Variants in LAMA3 observed in about 807,000 individuals in gnomAD.
LAMA3 encodes laminin subunit alpha-3.
In LAMA3, 281 loss-of-function variants were observed where a neutral mutation model predicts 402.0. The observed-to-expected ratio is 0.70, with a 90% CI of 0.63 to 0.77. The LOEUF (loss-of-function observed/expected upper bound fraction) is 0.77. Ranked by LOEUF, LAMA3 falls within the 30% of genes least tolerant of loss-of-function variation. The pLI, the probability that LAMA3 is intolerant of heterozygous loss-of-function variation, is 0.00. For synonymous variants in LAMA3, 1,431 were observed against 1,558.4 expected (o/e 0.92, Z 1.93); for missense variants, 3,840 against 4,215.5 (o/e 0.91, Z 2.47).
chr18:23,894,752 T>C (rs1249104595), intron 43 of LAMA3, among the ~76,000 whole-genome samples, 155 bp from the exon 44 acceptor site: 1 of 152,218 alleles, frequency 6.6e-6, no homozygotes, highest in Admixed American at 6.5e-5. Context: ...TCTCCTTTTT[T>C]CAGAATCCAC....
At chr18:23,836,718 C>T (rs897431534) in intron 24 of LAMA3, among the ~76,000 whole-genome samples, 4 of 152,122 alleles carry the variant, frequency 2.6e-5, no homozygotes, top group Non-Finnish European at 4.4e-5. Context: ...GAGGACTAAA[C>T]CTAGTACTTC....
At chr18:23,926,149 C>T (rs2081996945) in intron 62 of LAMA3, among the ~76,000 whole-genome samples, 1 of 152,186 alleles carries the variant, frequency 6.6e-6, no homozygotes, top group African/African-American at 2.4e-5. Flanking sequence ...CCTTCCTGCA[C>T]ATGTATCCTA....
chr18:23,949,776 A>C lies in LAMA3; in HGVS notation c.9363A>C (p.Thr3121=), dbSNP rs1456787506. 6.2e-7 allele frequency: 1 copy of C among 1,613,834 alleles called. No individual in the cohort carries two copies. The highest frequency in any genetic ancestry group is 8.5e-7 in the Non-Finnish European group (1 of 1,179,996). ...PPSGKPKSLP[T]NSFVGCLKNF... ...CTGCTTGGTTGCAGAGCCTCCCCAC[A>C]AACAGCTTTGTGGGATGCCTGAAGA... The change falls in exon 71 of 75, where the codon ACA becomes ACC. Residue 3121 remains threonine, a synonymous_variant. Transcript: ENST00000313654.
chr18:23,715,066 G>A (rs2061071401), intron 2 of LAMA3, among the ~76,000 whole-genome samples: 1 of 152,172 alleles, frequency 6.6e-6, no homozygotes, highest in South Asian at 2.1e-4. Flanking sequence ...CAAATCTATA[G>A]AGAGAAAAGT....
In LAMA3 at chr18:23,898,791, A is replaced by G. The variant is rs925869103; in HGVS notation, c.5667A>G (p.Glu1889=). 2 of 1,612,790 alleles carry G rather than the reference A, an allele frequency of 1.2e-6. No individual in the cohort carries two copies. The highest frequency in any genetic ancestry group is 1.7e-5 in the Admixed American group (1 of 60,030). ...SAISNHGSKI[E]GLERELTDLN... is the part of the protein sequence containing the mutation. Reference sequence around the variant, plus strand: ...TTTCAAATCATGGATCAAAAATAGAAGGCCTGGAAAGAGAACTGACTGATT... The same window carrying G: ...TTTCAAATCATGGATCAAAAATAGAGGGCCTGGAAAGAGAACTGACTGATT... Residue 1889 remains glutamate, a synonymous_variant, in exon 45 of 75, where the codon GAA becomes GAG. Transcript: ENST00000313654.
At chr18:23,692,396 C>T (rs556947111) in intron 1 of LAMA3, among the ~76,000 whole-genome samples, 6 of 152,156 alleles carry the variant, frequency 3.9e-5, no homozygotes, top group African/African-American at 4.8e-5. Context: ...CTCAGCCTCC[C>T]GAGTAGCTGG....
At chr18:23,712,022 C>T (rs1351460913) in intron 1 of LAMA3, among the ~76,000 whole-genome samples, 2 of 152,228 alleles carry the variant, frequency 1.3e-5, no homozygotes, top group South Asian at 2.1e-4. Flanking sequence ...AAAATGTTCT[C>T]TAGGGAGAAA....
intron 20 of LAMA3, among the ~76,000 whole-genome samples, chr18:23,823,205 C>T (rs1401822789): frequency 6.6e-6 from 1 of 152,166 alleles, no homozygotes; most frequent in Non-Finnish European, 1.5e-5. Flanking sequence ...TCATCATTCA[C>T]AGAGTAATTT....
chr18:23,699,562 T>C (rs2060753898), intron 1 of LAMA3, among the ~76,000 whole-genome samples: 1 of 152,174 alleles, frequency 6.6e-6, no homozygotes, highest in Admixed American at 6.5e-5. Flanking sequence ...AGTTGATGGT[T>C]GATTGTGTAA....
intron 70 of LAMA3, among the ~76,000 whole-genome samples, chr18:23,947,732 T>C (rs2082755641): frequency 6.6e-6 from 1 of 151,980 alleles, no homozygotes; most frequent in South Asian, 2.1e-4. Context: ...ACATTATATA[T>C]ATAATATACA....
At chr18:23,693,723 G>A (rs2060635173) in intron 1 of LAMA3, among the ~76,000 whole-genome samples, 1 of 152,050 alleles carries the variant, frequency 6.6e-6, no homozygotes, top group African/African-American at 2.4e-5. Flanking sequence ...ATATTTTGGG[G>A]GGAGATTTTA....
chr18:23,835,535 T>C (rs2063565213), intron 24 of LAMA3, among the ~76,000 whole-genome samples: 1 of 152,220 alleles, frequency 6.6e-6, no homozygotes, highest in African/African-American at 2.4e-5. Context: ...ACCAAAGTCC[T>C]GCTTTAGGAG....
Position 23,845,017 on chromosome 18 carries a change from T to G in LAMA3, c.3612T>G (p.Val1204=), listed in dbSNP as rs1307467588. The G allele has an allele frequency of 2.5e-6, 4 of 1,585,930 alleles. No homozygotes were observed. Among genetic ancestry groups the G allele is most frequent in the Non-Finnish European group, 3.5e-6 (4 of 1,154,366 alleles). The change falls in exon 30 of 75, where the codon GTT becomes GTG. Residue 1204 remains valine, a synonymous_variant. Coordinates refer to ENST00000313654, the MANE Select transcript of LAMA3 (RefSeq NM_198129.4). ...PEGKSLVLVR[V]LVVPAENYDY... ...TGGTGGATTTCTTTCAGGTCCGTGTTCTAGTGGTGCCTGCAGAAAACTATG... is the reference window on the plus strand; with the variant it reads ...TGGTGGATTTCTTTCAGGTCCGTGTGCTAGTGGTGCCTGCAGAAAACTATG...
At chr18:23,694,337 G>T (rs909662234) in intron 1 of LAMA3, among the ~76,000 whole-genome samples, 3 of 152,218 alleles carry the variant, frequency 2.0e-5, no homozygotes, top group African/African-American at 7.2e-5. Flanking sequence ...GTGTATAGGA[G>T]TGATACCAAA....
intron 40 of LAMA3, among the ~76,000 whole-genome samples, chr18:23,884,050 GTGTGT>G (rs1568296264): frequency 6.0e-3 from 11 of 1,840 alleles, no homozygotes; most frequent in African/African-American, 0.013. Context: ...TCTCTTTGGT[GTGTGT>G]GTGTGTGTGT....
chr18:23,889,721 GAAGA>G (rs1333509546), intron 41 of LAMA3, among the ~76,000 whole-genome samples: 3 of 121,404 alleles, frequency 2.5e-5, no homozygotes, highest in Admixed American at 9.9e-5. Flanking sequence ...AGGAAGGAAG[GAAGA>G]AAGGAAGGAA....
intron 6 of LAMA3, among the ~76,000 whole-genome samples, 183 bp downstream of exon 6, chr18:23,753,995 C>G (rs982275859): frequency 2.0e-5 from 3 of 151,922 alleles, no homozygotes; most frequent in African/African-American, 7.3e-5. Context: ...TTCACATAAC[C>G]CCTATAGGCC....
chr18:23,837,975 G>T (rs1313901141), intron 25 of LAMA3, among the ~76,000 whole-genome samples: 1 of 152,042 alleles, frequency 6.6e-6, no homozygotes, highest in Non-Finnish European at 1.5e-5. Flanking sequence ...CAATCTGAGG[G>T]AATCTAACCT....
intron 12 of LAMA3, among the ~76,000 whole-genome samples, chr18:23,784,475 G>C (rs917669439): frequency 2.6e-5 from 4 of 152,122 alleles, no homozygotes; most frequent in African/African-American, 4.8e-5. Flanking sequence ...GATCCTGTTG[G>C]GGCGGGTCTC....
Sources: allele counts gnomAD v4.1 joint callset (sites outside exome capture counted in the v4.1 genomes callset), GRCh38; gene constraint gnomAD v4.1.1; transcripts MANE v1.5; gene names NCBI Gene and HGNC (gene_info 2026-07-23, HGNC 2026-07-21).